Variants in SPATA16 observed in about 807,000 individuals in gnomAD.
The protein encoded by SPATA16 is spermatogenesis-associated protein 16.
In SPATA16, 36 loss-of-function variants were observed where a neutral mutation model predicts 63.3. The ratio of observed to expected loss-of-function variants is 0.57; its 90% CI spans 0.44 to 0.75. SPATA16 has a LOEUF of 0.75. SPATA16 is among the 30% of genes least tolerant of loss of function. The pLI is 0.00. For missense variants in SPATA16, 646 were observed against 679.3 expected (o/e 0.95, Z 0.54); for synonymous variants, 203 against 216.7 (o/e 0.94, Z 0.56).
At chr3:172,992,021 G>A (rs1408959486) in intron 4 of SPATA16, among the ~76,000 whole-genome samples, 3 of 152,186 alleles carry the variant, frequency 2.0e-5, no homozygotes, top group Admixed American at 6.6e-5. Context: ...GGGTAGTCTC[G>A]CCTTTCCTCT....
intron 3 of SPATA16, among the ~76,000 whole-genome samples, chr3:173,041,876 C>G (rs1483101990): frequency 6.6e-6 from 1 of 151,984 alleles, no homozygotes; most frequent in African/African-American, 2.4e-5. Context: ...ATGGGTGCAG[C>G]ACACCAACAT....
rs1358294318 is a variant in SPATA16 at position 173,019,500 on chromosome 3, A to G, written c.834T>C (p.Tyr278=). The stretch of plus-strand genomic sequence containing the variant: ...AACAAACATACCGGGCAGCCTCTGA[A>G]TACCTCTCCAGACATCTAAACACTG... The part of the protein sequence containing the change: ...QATVFRCLER[Y]SEAARSAMIA... Residue 278 remains tyrosine, a synonymous_variant, in exon 4 of 11, where the codon TAT becomes TAC. Coordinates refer to ENST00000351008, the MANE Select transcript of SPATA16 (RefSeq NM_031955.6). The G allele has an allele frequency of 6.2e-7, 1 of 1,614,044 alleles. No homozygotes were observed. The highest frequency in any genetic ancestry group is 8.5e-7 in the Non-Finnish European group (1 of 1,179,930).
At chr3:172,913,613 A>G in intron 10 of SPATA16, 48 bp downstream of exon 10, 2 of 1,575,788 alleles carry the variant, frequency 1.3e-6, no homozygotes, top group Non-Finnish European at 1.7e-6. Flanking sequence ...CAAAATGGAC[A>G]TTTTCTTTGA....
intron 2 of SPATA16, among the ~76,000 whole-genome samples, chr3:173,085,031 T>C (rs1293931321): frequency 6.6e-6 from 1 of 152,160 alleles, no homozygotes; most frequent in Non-Finnish European, 1.5e-5. Flanking sequence ...AATTTTAAAG[T>C]AGTTTTTTCT....
chr3:173,126,996 T>C (rs1738244722), intron 1 of SPATA16, among the ~76,000 whole-genome samples: 1 of 152,240 alleles, frequency 6.6e-6, no homozygotes, highest in South Asian at 2.1e-4. Flanking sequence ...TTCTCAAACA[T>C]GTTTTAAAGT....
rs778336962 is a variant in SPATA16, at chr3:173,117,155, C to T, written c.577G>A (p.Ala193Thr). 1.7e-5 allele frequency: 28 copies of T among 1,613,980 alleles called. No individual in the cohort carries two copies. Among genetic ancestry groups the T allele is most frequent in the African/African-American group, 5.3e-5 (4 of 74,926 alleles). The change falls in exon 2 of 11, where the codon GCC (alanine) becomes ACC (threonine). Residue 193 changes from alanine (A) to threonine (T), a missense_variant. Transcript: ENST00000351008. ...ASSCYRQKKY[A>T]LAAGQFRTAL... ...GTTCTGAACTGTCCTGCTGCCAAGG[C>T]GTATTTCTTTTGTCTATAGCAAGAG...
chr3:172,976,826 G>T, intron 5 of SPATA16, 142 bp downstream of exon 5: 1 of 716,452 alleles, frequency 1.4e-6, no homozygotes, highest in Non-Finnish European at 2.5e-6. Flanking sequence ...ACTTCGTTAT[G>T]AATACATTAT....
Position 173,026,662 on chromosome 3 carries a change from C to A in SPATA16, c.759-7087G>T, listed in dbSNP as rs918982713. On this transcript the variant is annotated intron_variant, in intron 3 of 10. Coordinates refer to ENST00000351008, the MANE Select transcript of SPATA16 (RefSeq NM_031955.6). ...TTATAAATCTGCAATTTTCCCGGCA[C>A]TACTCATTGTAAAGACTATTCTTTC... 2.0e-5 allele frequency among the ~76,000 whole-genome samples: 3 copies of A among 151,880 alleles called. 1 individual carries two copies. Among genetic ancestry groups the A allele is most frequent in the Non-Finnish European group, 4.4e-5 (3 of 67,872 alleles).
intron 2 of SPATA16, among the ~76,000 whole-genome samples, chr3:173,077,688 C>A (rs1023679888): frequency 5.9e-5 from 9 of 152,190 alleles, no homozygotes; most frequent in African/African-American, 1.7e-4. Flanking sequence ...CGATTACTTT[C>A]TCTCTCACCA....
rs909298772 is a variant in SPATA16 at position 172,946,481 on chromosome 3, A to G, written c.1081+10196T>C. Among the ~76,000 whole-genome samples the G allele has an allele frequency of 4.9e-4, 74 of 152,178 alleles. 1 individual carries two copies. Among genetic ancestry groups the G allele is most frequent in the Non-Finnish European group, 8.7e-4 (59 of 68,024 alleles). ...CCTCCTGCCCTGAAAGGAGAGACCC[A>G]GCCCTGGGAACATTCACCACAAGCT... On this transcript the variant is annotated intron_variant, in intron 6 of 10. Transcript: ENST00000351008.
At chr3:173,008,181 C>T (rs1734986444) in intron 4 of SPATA16, among the ~76,000 whole-genome samples, 1 of 152,110 alleles carries the variant, frequency 6.6e-6, no homozygotes, top group Non-Finnish European at 1.5e-5. Context: ...GATACTGTGG[C>T]CCTCAGCCTT....
At chr3:172,942,455 G>A (rs896578307) in intron 6 of SPATA16, among the ~76,000 whole-genome samples, 14 of 152,084 alleles carry the variant, frequency 9.2e-5, no homozygotes, top group South Asian at 2.1e-4. Flanking sequence ...TACAAAAAAC[G>A]TTAACATTAA....
rs992834940 is a variant in SPATA16, at chr3:173,057,855, C to T, written c.613-8761G>A. On this transcript the variant is annotated intron_variant, in intron 2 of 10. Coordinates refer to ENST00000351008, the MANE Select transcript of SPATA16 (RefSeq NM_031955.6). ...GTATTTTTATGTCTTATTTTTACTT[C>T]GTTTTTCCTAGTAATTCTTTTTTCC... Among the ~76,000 whole-genome samples, 2 of 152,132 alleles carry T rather than the reference C, an allele frequency of 1.3e-5. 1 individual carries two copies. Among genetic ancestry groups the T allele is most frequent in the Non-Finnish European group, 2.9e-5 (2 of 68,014 alleles).
chr3:173,027,880 G>T (rs1735487495), intron 3 of SPATA16, among the ~76,000 whole-genome samples: 1 of 151,712 alleles, frequency 6.6e-6, no homozygotes, highest in Non-Finnish European at 1.5e-5. Context: ...TTTTTGCCTG[G>T]ATGCTGAGAA....
intron 2 of SPATA16, among the ~76,000 whole-genome samples, chr3:173,094,947 A>G (rs1262035530): frequency 1.3e-5 from 2 of 152,162 alleles, no homozygotes; most frequent in South Asian, 2.1e-4. Context: ...GGCTATGTTG[A>G]TTATAAAATA....
intron 2 of SPATA16, among the ~76,000 whole-genome samples, chr3:173,115,794 ACTTTACT>A (rs944454614): frequency 1.3e-5 from 2 of 152,136 alleles, no homozygotes; most frequent in Admixed American, 6.6e-5. Flanking sequence ...TGAAAATAAT[ACTTTACT>A]CTTTACATTG....
intron 2 of SPATA16, among the ~76,000 whole-genome samples, chr3:173,099,815 C>A (rs759944248): frequency 6.6e-6 from 1 of 152,164 alleles, no homozygotes; most frequent in Non-Finnish European, 1.5e-5. Flanking sequence ...CGTCAGCATG[C>A]GCTTATGGAG....
chr3:172,963,658 A>C (rs1733841098), intron 5 of SPATA16, among the ~76,000 whole-genome samples: 2 of 152,080 alleles, frequency 1.3e-5, no homozygotes, highest in Admixed American at 1.3e-4. Context: ...TTAATGCCTA[A>C]AATTTACCCT....
At position 172,948,282 on chromosome 3, in the gene SPATA16, G is replaced by A. The variant is rs113749460; in HGVS notation, c.1081+8395C>T. Among the ~76,000 whole-genome samples, 3 of 152,116 alleles carry A rather than the reference G, an allele frequency of 2.0e-5. No individual in the cohort carries two copies. The South Asian group carries it at 6.2e-4, about 32-fold the overall frequency. Reference sequence around the variant, plus strand: ...AAGACCTCCGATACGTCTGGCAGCCGACTTCTCTGTGGAAACCTTATAGGC... The same window carrying A: ...AAGACCTCCGATACGTCTGGCAGCCAACTTCTCTGTGGAAACCTTATAGGC... On this transcript the variant is annotated intron_variant, in intron 6 of 10. Transcript: ENST00000351008.
Sources: allele counts gnomAD v4.1 joint callset (sites outside exome capture counted in the v4.1 genomes callset), GRCh38; gene constraint gnomAD v4.1.1; transcripts MANE v1.5; gene names NCBI Gene and HGNC (gene_info 2026-07-23, HGNC 2026-07-21).